Variants in XCR1 observed in about 807,000 individuals in gnomAD.
XCR1 encodes chemokine XC receptor 1.
For missense variants in XCR1, 356 were observed against 424.2 expected, an observed-to-expected ratio of 0.84 and a Z score of 1.41; for synonymous variants, 187 against 188.5, an observed-to-expected ratio of 0.99 and a Z score of 0.06.
chr3:46,033,970 T>C (rs1397317446), intron 5 of XCR1, among the ~76,000 whole-genome samples: 5 of 116,156 alleles, frequency 4.3e-5, no homozygotes, highest in Admixed American at 1.5e-4. Context: ...TGTTCATTGC[T>C]GTTTTTTTTT....
intron 1 of XCR1, among the ~76,000 whole-genome samples, chr3:46,079,370 A>C (rs1321235350): frequency 6.6e-6 from 1 of 152,170 alleles, no homozygotes; most frequent in African/African-American, 2.4e-5. Context: ...GAAATAGGAT[A>C]ATTACTTCCA....
At chr3:46,069,478 G>T (rs1391941347) in intron 3 of XCR1, among the ~76,000 whole-genome samples, 2 of 152,086 alleles carry the variant, frequency 1.3e-5, no homozygotes, top group Non-Finnish European at 2.9e-5. Context: ...TTGTACGGGG[G>T]GGTTAGACAT....
chr3:46,032,164 C>A (rs1025072306), upstream of XCR1, among the ~76,000 whole-genome samples: 1 of 152,244 alleles, frequency 6.6e-6, no homozygotes, highest in African/African-American at 2.4e-5. Context: ...AGTGCTGAAA[C>A]ATGCCCCCTG....
At chr3:46,064,085 C>G (rs1287441238) in intron 4 of XCR1, among the ~76,000 whole-genome samples, 1 of 152,092 alleles carries the variant, frequency 6.6e-6, no homozygotes, top group South Asian at 2.1e-4. Context: ...GTTGCCCATC[C>G]TGGTCTCAAA....
chr3:46,042,217 A>C (rs1304140070), intron 5 of XCR1, among the ~76,000 whole-genome samples: 1 of 152,230 alleles, frequency 6.6e-6, no homozygotes, highest in East Asian at 1.9e-4. Context: ...ATACTTTATA[A>C]AGAAGAAATA....
intron 1 of XCR1, among the ~76,000 whole-genome samples, chr3:46,024,772 T>C (rs1708254239): frequency 6.6e-6 from 1 of 152,190 alleles, no homozygotes; most frequent in South Asian, 2.1e-4. Flanking sequence ...CATTTTAAGT[T>C]CTAATTTTGT....
intron 5 of XCR1, among the ~76,000 whole-genome samples, chr3:46,051,879 A>G (rs897790536): frequency 2.0e-5 from 3 of 152,122 alleles, no homozygotes; most frequent in African/African-American, 7.2e-5. Context: ...ACAAAAAATT[A>G]GCCAGGTGTG....
At chr3:46,083,764 T>C (rs1698420439) in intron 1 of XCR1, among the ~76,000 whole-genome samples, 1 of 152,224 alleles carries the variant, frequency 6.6e-6, no homozygotes, top group South Asian at 2.1e-4. Flanking sequence ...GGATATGTGG[T>C]GGCAAATACC....
rs935720496 is a variant in XCR1, at chr3:46,018,440, G to C, written c.*2506C>G. ...GTTGAACAAAATGTTAAGAATCAGT[G>C]TGAAACTGTGTTTGAAAGATTAGGC... is the stretch of plus-strand genomic sequence containing the variant. On this transcript the variant is annotated 3_prime_UTR_variant, in exon 2 of 2. Transcript: ENST00000309285. 1 of 152,236 alleles carries C rather than the reference G, an allele frequency of 6.6e-6. No homozygotes were observed. The highest frequency in any genetic ancestry group is 1.5e-5 in the Non-Finnish European group (1 of 68,082). The allele number at this position is 152,236 out of a possible 1,614,324, so 9.4% of individuals were successfully genotyped here.
intron 5 of XCR1, among the ~76,000 whole-genome samples, chr3:46,047,182 T>C (rs993901094): frequency 1.3e-5 from 2 of 152,144 alleles, no homozygotes; most frequent in Non-Finnish European, 2.9e-5. Context: ...ACAGAAGACA[T>C]CACAACAGAA....
chr3:46,064,272 C>A (rs896607166), intron 4 of XCR1, among the ~76,000 whole-genome samples: 2 of 152,192 alleles, frequency 1.3e-5, no homozygotes, highest in African/African-American at 4.8e-5. Context: ...CTCTTTTAGA[C>A]TACAGTCTCC....
At chr3:46,055,968 A>G (rs1409328854) in intron 4 of XCR1, among the ~76,000 whole-genome samples, 1 of 152,198 alleles carries the variant, frequency 6.6e-6, no homozygotes, top group Non-Finnish European at 1.5e-5. Flanking sequence ...GTTGAGTGGG[A>G]TTCAGTCCAA....
Position 46,020,531 on chromosome 3 carries a change from C to T in XCR1, c.*415G>A, listed in dbSNP as rs749709606. The T allele has an allele frequency of 2.8e-5, 5 of 177,156 alleles. No individual in the cohort carries two copies. Among genetic ancestry groups the T allele is most frequent in the Non-Finnish European group, 3.6e-5 (3 of 83,038 alleles). The allele number at this position is 177,156 out of a possible 1,614,324, so 11.0% of individuals were successfully genotyped here. On this transcript the variant is annotated 3_prime_UTR_variant, in exon 2 of 2. Transcript: ENST00000309285. The stretch of plus-strand genomic sequence containing the variant: ...AAACCAGTAGGGACAACCTTACAGT[C>T]AGGGAAGGGAGGCATTGTCTTGTCA...
At chr3:46,068,915 G>T (rs1698121039) in intron 3 of XCR1, among the ~76,000 whole-genome samples, 1 of 152,000 alleles carries the variant, frequency 6.6e-6, no homozygotes, top group African/African-American at 2.4e-5. Context: ...CAGCTGAAAA[G>T]AACAGTATAG....
chr3:46,032,339 C>A (rs1346181465), upstream of XCR1, among the ~76,000 whole-genome samples: 1 of 152,234 alleles, frequency 6.6e-6, no homozygotes, highest in Non-Finnish European at 1.5e-5. Context: ...GCAGGGGAAG[C>A]TGCTTGTGGT....
intron 1 of XCR1, among the ~76,000 whole-genome samples, chr3:46,084,976 G>A (rs1359845613): frequency 2.0e-5 from 3 of 151,658 alleles, no homozygotes; most frequent in South Asian, 2.1e-4. Context: ...TTTAAAGCCT[G>A]AATGCAACAA....
intron 3 of XCR1, among the ~76,000 whole-genome samples, chr3:46,070,896 T>G (rs1372244094): frequency 6.6e-6 from 1 of 152,154 alleles, no homozygotes; most frequent in African/African-American, 2.4e-5. Flanking sequence ...TCTGTCATGT[T>G]GCCATTTGAT....
At chr3:46,037,933 T>C (rs1261832911) in intron 5 of XCR1, among the ~76,000 whole-genome samples, 1 of 152,140 alleles carries the variant, frequency 6.6e-6, no homozygotes, top group Admixed American at 6.5e-5. Context: ...GATGAATTTC[T>C]TAATTTCAAA....
intron 3 of XCR1, among the ~76,000 whole-genome samples, chr3:46,072,397 A>G (rs1698177510): frequency 6.6e-6 from 1 of 151,926 alleles, no homozygotes; most frequent in Non-Finnish European, 1.5e-5. Context: ...GTGCACACCT[A>G]GAGTCCCAGT....
Sources: gnomAD v4.1 joint callset for allele counts (sites outside exome capture counted in the v4.1 genomes callset) on GRCh38, gnomAD v4.1.1 for gene constraint, MANE v1.5 for transcripts, NCBI Gene and HGNC (gene_info 2026-07-23, HGNC 2026-07-21) for gene names.